SRPX2: variants seen among roughly 807,000 people sequenced by gnomAD.
SRPX2 encodes sushi repeat-containing protein SRPX2.
SRPX2 carries 26 observed loss-of-function variants against 45.3 expected under a neutral mutation model. The observed-to-expected ratio is 0.57, with a 90% CI of 0.42 to 0.80. The LOEUF is 0.80. SRPX2 is among the 30% of genes least tolerant of loss of function. The pLI is 0.00. For synonymous variants in SRPX2, 125 were observed against 143.7 expected (o/e 0.87, Z 0.93); for missense variants, 355 against 399.8 (o/e 0.89, Z 0.95).
Position 100,673,864 on chromosome X carries a change from T to TA in SRPX2, c.*2878dup, listed in dbSNP as rs1192266591. 8.9e-6 allele frequency: 1 copy of TA among 111,917 alleles called. No individual in the cohort carries two copies. The highest frequency in any genetic ancestry group is 3.3e-5 in the African/African-American group (1 of 30,719). 9.2% of individuals were successfully genotyped at this position (111,917 alleles called of 1,213,427 possible). On this transcript the variant is annotated 3_prime_UTR_variant, in exon 11 of 11. Transcript: ENST00000373004. ...TCATCTGTAAAAAGGGAAGATTTCC[T>TA]ACTTCATAAAGTGGTTGGAGAAATT...
At chrX:100,652,035 G>A (rs1357101615) in intron 3 of SRPX2, among the ~76,000 whole-genome samples, 1 of 111,851 alleles carries the variant, frequency 8.9e-6, no homozygotes, top group Non-Finnish European at 1.9e-5. Context: ...AGGATCTATA[G>A]GGAGCCCATC....
At chrX:100,668,038 A>T (rs1403123584) in intron 9 of SRPX2, among the ~76,000 whole-genome samples, 2 of 111,718 alleles carry the variant, frequency 1.8e-5, no homozygotes, top group Non-Finnish European at 1.9e-5. Flanking sequence ...TCAAAGTAAA[A>T]TGAGAGAGTT....
chrX:100,667,664 A>G (rs781475417), intron 9 of SRPX2, among the ~76,000 whole-genome samples: 9 of 112,488 alleles, frequency 8.0e-5, no homozygotes, highest in Non-Finnish European at 1.5e-4. Context: ...GTGGCAAAGC[A>G]CTCTGAAGAG....
At chrX:100,667,516 T>C (rs2083208703) in intron 9 of SRPX2, 109 bp downstream of exon 9, 3 of 980,001 alleles carry the variant, frequency 3.1e-6, no homozygotes, top group African/African-American at 1.9e-5. Flanking sequence ...CCTGAAACTT[T>C]TTGTGGATAG....
At chrX:100,647,333 C>T (rs886095166) in intron 2 of SRPX2, among the ~76,000 whole-genome samples, 32 of 112,819 alleles carry the variant, frequency 2.8e-4, no homozygotes, top group Non-Finnish European at 1.9e-5. Flanking sequence ...TAAAATTTTC[C>T]ACATGCCCTT....
intron 8 of SRPX2, 31 bp downstream of exon 8, chrX:100,666,964 A>G (rs1367154236): frequency 8.4e-7 from 1 of 1,196,360 alleles, no homozygotes; most frequent in Admixed American, 2.3e-5. Flanking sequence ...GGGCAAGTGG[A>G]TGTGGTGATC....
intron 3 of SRPX2, among the ~76,000 whole-genome samples, chrX:100,657,349 C>CTTTTTTTTTTT (rs1163232018): frequency 0.016 from 462 of 28,389 alleles, 131 homozygotes; most frequent in Non-Finnish European, 0.021. Flanking sequence ...TTATTTATGT[C>CTTTTTTTTTTT]TTTTTTTTTT....
chrX:100,665,726 C>T (rs1161840240), intron 7 of SRPX2, 69 bp downstream of exon 7: 1 of 1,192,186 alleles, frequency 8.4e-7, no homozygotes, highest in Non-Finnish European at 1.1e-6. Context: ...CCCCATGTCT[C>T]TCCTCTCTAT....
In SRPX2 at chrX:100,670,920, T is replaced by C; in HGVS notation, c.1331T>C (p.Ile444Thr). The C allele has an allele frequency of 1.3e-5, 16 of 1,211,682 alleles. No homozygotes were observed. The highest frequency in any genetic ancestry group is 3.0e-5 in the East Asian group (1 of 33,826). ...ACCCCCGAGGAAATCTTCACATTCA[T>C]TGATGACTACCTACTGAGCAATCAG... ...PVTPEEIFTF[I>T]DDYLLSNQEL... is the part of the protein sequence containing the mutation. The change falls in exon 11 of 11, where the codon ATT becomes ACT. Residue 444 changes from isoleucine to threonine, a missense_variant. Coordinates refer to ENST00000373004, the MANE Select transcript of SRPX2 (RefSeq NM_014467.3).
At chrX:100,655,150 T>C (rs1438122331) in intron 3 of SRPX2, among the ~76,000 whole-genome samples, 4 of 112,315 alleles carry the variant, frequency 3.6e-5, no homozygotes, top group African/African-American at 1.3e-4. Context: ...CAAACACCTA[T>C]TATGTGCCAG....
At chrX:100,667,564 T>G (rs1365100449) in intron 9 of SRPX2, among the ~76,000 whole-genome samples, 157 bp downstream of exon 9, 1 of 112,175 alleles carries the variant, frequency 8.9e-6, no homozygotes, top group Non-Finnish European at 1.9e-5. Flanking sequence ...TTTAGCACAT[T>G]TAAAAAACTG....
At chrX:100,647,747 G>A (rs920078877) in intron 2 of SRPX2, among the ~76,000 whole-genome samples, 1 of 112,731 alleles carries the variant, frequency 8.9e-6, no homozygotes, top group Non-Finnish European at 1.9e-5. Flanking sequence ...CTGAGCTGTT[G>A]GAGGCGTGAG....
Position 100,662,082 on chromosome X carries a change from CT to C in SRPX2, c.164-93del, listed in dbSNP as rs1304442484. The C allele has an allele frequency of 5.4e-6, 5 of 926,686 alleles. No individual in the cohort carries two copies. The Admixed American group carries it at 1.2e-4, about 22-fold the overall frequency. 76.4% of individuals were successfully genotyped at this position (926,686 alleles called of 1,213,427 possible). A position where few individuals can be genotyped will look rare whatever the true frequency, so the allele number is the denominator to read the frequency against. ...ACCTGTGTGGGTTTACTTCTGGGCT[CT>C]CTATTTTTTTCCATTGACCTATTTG... On this transcript the variant is annotated intron_variant, in intron 3 of 10. Coordinates refer to ENST00000373004, the MANE Select transcript of SRPX2 (RefSeq NM_014467.3).
In SRPX2 at chrX:100,664,889, T is replaced by C; in HGVS notation, c.471T>C (p.Gly157=). 8.3e-7 allele frequency: 1 copy of C among 1,210,225 alleles called. No homozygotes were observed. Among genetic ancestry groups the C allele is most frequent in the Non-Finnish European group, 1.1e-6 (1 of 894,931 alleles). ...YSCSSGYHLE[G]DRSRICMEDG... is the part of the protein sequence containing the mutation. ...GTTCCAGTGGCTACCACCTGGAAGG[T>C]GATCGCAGCCGAATCTGCATGGAAG... The change falls in exon 5 of 11, where the codon GGT becomes GGC. Residue 157 remains glycine (G), a synonymous_variant. Transcript: ENST00000373004.
chrX:100,650,714 GA>G (rs761307308), intron 2 of SRPX2, 70 bp from the exon 3 acceptor site: 113 of 1,011,862 alleles, frequency 1.1e-4, no homozygotes, highest in African/African-American at 3.2e-4. Context: ...AGTTGGATGA[GA>G]GGGGGAAGGT....
At chrX:100,649,879 A>AT (rs1655540778) in intron 2 of SRPX2, among the ~76,000 whole-genome samples, 1 of 112,171 alleles carries the variant, frequency 8.9e-6, no homozygotes, top group African/African-American at 3.2e-5. Flanking sequence ...CTGTGCATGC[A>AT]TTAGGGCTCA....
In SRPX2 at chrX:100,646,443, G is replaced by A. The variant is rs745675987; in HGVS notation, c.82+39G>A. On this transcript the variant is annotated intron_variant, in intron 2 of 10. Transcript: ENST00000373004. ...GCTGTTGCCTATTATTTCCAGGAAGGATAGGTCCTAGACCAAGACTTGGAG... is the reference window on the plus strand; with the variant it reads ...GCTGTTGCCTATTATTTCCAGGAAGAATAGGTCCTAGACCAAGACTTGGAG... 7 of 1,132,856 alleles carry A rather than the reference G, an allele frequency of 6.2e-6. No individual in the cohort carries two copies. The Admixed American group carries it at 8.7e-5, about 14-fold the overall frequency. 93.4% of individuals were successfully genotyped at this position (1,132,856 alleles called of 1,213,427 possible).
At chrX:100,669,217 T>C in intron 9 of SRPX2, 31 bp from the exon 10 acceptor site, 1 of 1,210,910 alleles carries the variant, frequency 8.3e-7, no homozygotes, top group Non-Finnish European at 1.1e-6. Context: ...CGCACAGCTC[T>C]GTTGCATAAA....
intron 9 of SRPX2, 51 bp downstream of exon 9, chrX:100,667,458 C>T: frequency 8.3e-7 from 1 of 1,200,458 alleles, no homozygotes; most frequent in Non-Finnish European, 1.1e-6. Flanking sequence ...TTATCCCTTA[C>T]CTTTTCCAAA....
Sources: gnomAD v4.1 joint callset for allele counts (sites outside exome capture counted in the v4.1 genomes callset) on GRCh38, gnomAD v4.1.1 for gene constraint, MANE v1.5 for transcripts, NCBI Gene and HGNC (gene_info 2026-07-23, HGNC 2026-07-21) for gene names.